Variants in STAG1 observed in about 807,000 individuals in gnomAD.
The protein encoded by STAG1 is cohesin subunit SA-1.
In STAG1, 26 loss-of-function variants were observed where a neutral mutation model predicts 170.9. The observed-to-expected ratio is 0.15, with a 90% CI of 0.11 to 0.21. STAG1 has a LOEUF of 0.21. STAG1 is among the 10% of genes least tolerant of loss of function. STAG1 has a pLI of 1.00. For missense variants in STAG1, 964 were observed against 1,509.5 expected (o/e 0.64, Z 5.99); for synonymous variants, 514 against 497.7 (o/e 1.03, Z -0.44).
At chr3:136,647,880 T>A (rs567505354) in intron 1 of STAG1, among the ~76,000 whole-genome samples, 1 of 152,228 alleles carries the variant, frequency 6.6e-6, no homozygotes, top group South Asian at 2.1e-4. Context: ...CAATTCTCCA[T>A]TGAAAATACT....
intron 10 of STAG1, among the ~76,000 whole-genome samples, chr3:136,473,879 C>T (rs1046608429): frequency 3.3e-5 from 5 of 151,638 alleles, no homozygotes; most frequent in Admixed American, 3.3e-4. Flanking sequence ...TATTTATCAA[C>T]GCTGACTCAA....
intron 22 of STAG1, among the ~76,000 whole-genome samples, chr3:136,381,994 T>A (rs975412539): frequency 1.3e-5 from 2 of 152,196 alleles, no homozygotes; most frequent in Non-Finnish European, 2.9e-5. Context: ...GCTTTGCATA[T>A]AGTAGATATT....
At chr3:136,611,934 G>A (rs1236449702) in intron 3 of STAG1, among the ~76,000 whole-genome samples, 3 of 151,526 alleles carry the variant, frequency 2.0e-5, no homozygotes, top group Non-Finnish European at 2.9e-5. Context: ...CGCAAGCTCC[G>A]CCTCCTGGGT....
At chr3:136,717,283 T>C (rs944129620) in intron 1 of STAG1, among the ~76,000 whole-genome samples, 3 of 152,204 alleles carry the variant, frequency 2.0e-5, no homozygotes, top group Admixed American at 6.5e-5. Flanking sequence ...AGATCAGACA[T>C]AGAACAAAAT....
At chr3:136,514,410 C>A (rs920827058) in intron 7 of STAG1, among the ~76,000 whole-genome samples, 1 of 152,156 alleles carries the variant, frequency 6.6e-6, no homozygotes, top group Non-Finnish European at 1.5e-5. Context: ...AGTCAGGAAA[C>A]AACAGATGCT....
intron 4 of STAG1, among the ~76,000 whole-genome samples, chr3:136,571,751 C>T (rs759829588): frequency 6.6e-6 from 1 of 151,646 alleles, no homozygotes; most frequent in African/African-American, 2.4e-5. Context: ...AATGGTGGCA[C>T]GTGACCACAG....
chr3:136,477,225 T>G, intron 10 of STAG1, 64 bp downstream of exon 10: 3 of 1,501,646 alleles, frequency 2.0e-6, no homozygotes, highest in Non-Finnish European at 2.7e-6. Context: ...GTCATTTTGA[T>G]TCCCAGCATT....
rs549305776 is a variant in STAG1, at chr3:136,563,055, C to T, written c.394+5710G>A. ...ATGTTGAGTTCTTCTAAGGGCATAT[C>T]AGAAAGCACATGATAGCAATTAGCT... On this transcript the variant is annotated intron_variant, in intron 5 of 33. Transcript: ENST00000383202. Among the ~76,000 whole-genome samples the T allele has an allele frequency of 5.9e-5, 9 of 152,322 alleles. No individual in the cohort carries two copies. In the South Asian group the frequency reaches 1.7e-3, roughly 28 times the overall value.
intron 28 of STAG1, among the ~76,000 whole-genome samples, chr3:136,352,957 A>G (rs1468297518): frequency 6.6e-6 from 1 of 152,234 alleles, no homozygotes; most frequent in Non-Finnish European, 1.5e-5. Context: ...AAAGAACTAA[A>G]GAAAATCATA....
chr3:136,583,595 C>G (rs551893298), intron 4 of STAG1, among the ~76,000 whole-genome samples: 4 of 152,224 alleles, frequency 2.6e-5, no homozygotes, highest in African/African-American at 9.6e-5. Context: ...TCGACACCAG[C>G]CTGGCCAACG....
At chr3:136,546,962 C>G (rs1206601432) in intron 5 of STAG1, among the ~76,000 whole-genome samples, 1 of 152,172 alleles carries the variant, frequency 6.6e-6, no homozygotes, top group Admixed American at 6.5e-5. Flanking sequence ...TTTGAAGTCT[C>G]TCACAACTTT....
At chr3:136,467,127 C>G (rs1395330969) in intron 12 of STAG1, among the ~76,000 whole-genome samples, 1 of 151,906 alleles carries the variant, frequency 6.6e-6, no homozygotes, top group Non-Finnish European at 1.5e-5. Context: ...AACATCATAA[C>G]GTAACGACAG....
intron 22 of STAG1, among the ~76,000 whole-genome samples, chr3:136,380,457 G>C (rs745411763): frequency 1.3e-5 from 2 of 151,940 alleles, no homozygotes; most frequent in Non-Finnish European, 2.9e-5. Context: ...GGCCAAGATG[G>C]TCTTGATCTC....
intron 6 of STAG1, among the ~76,000 whole-genome samples, chr3:136,531,767 C>CG (rs1935381752): frequency 1.1e-5 from 1 of 90,440 alleles, no homozygotes; most frequent in South Asian, 3.1e-4. Flanking sequence ...TTGTGGGGTG[C>CG]GGGGAGGGGG....
chr3:136,429,780 C>A (rs1454964629), intron 16 of STAG1, among the ~76,000 whole-genome samples: 2 of 152,192 alleles, frequency 1.3e-5, no homozygotes, highest in Non-Finnish European at 2.9e-5. Context: ...CAAAAACCCT[C>A]TTCCTCCTCC....
intron 5 of STAG1, among the ~76,000 whole-genome samples, chr3:136,544,084 C>T (rs935848922): frequency 6.6e-6 from 1 of 152,096 alleles, no homozygotes; most frequent in Admixed American, 6.5e-5. Flanking sequence ...TCACCTAGAC[C>T]TATAGCATCC....
intron 5 of STAG1, among the ~76,000 whole-genome samples, chr3:136,561,460 T>C (rs1285195486): frequency 6.6e-6 from 1 of 152,236 alleles, no homozygotes; most frequent in South Asian, 2.1e-4. Flanking sequence ...GAAATGTAAA[T>C]CTGAAAGAAT....
At chr3:136,487,226 G>A (rs930979467) in intron 9 of STAG1, among the ~76,000 whole-genome samples, 1 of 151,934 alleles carries the variant, frequency 6.6e-6, no homozygotes, top group African/African-American at 2.4e-5. Flanking sequence ...GAAAATATAC[G>A]GTGTTTGGTT....
intron 16 of STAG1, among the ~76,000 whole-genome samples, chr3:136,425,065 C>T (rs992591262): frequency 4.6e-5 from 7 of 151,884 alleles, no homozygotes; most frequent in African/African-American, 9.7e-5. Flanking sequence ...ATCTCGATCT[C>T]CCGACCTCGT....
Sources: gnomAD v4.1 joint callset for allele counts (sites outside exome capture counted in the v4.1 genomes callset) on GRCh38, gnomAD v4.1.1 for gene constraint, MANE v1.5 for transcripts, NCBI Gene and HGNC (gene_info 2026-07-23, HGNC 2026-07-21) for gene names.